The following TPD52L1 variants were observed in gnomAD, a reference collection of about 807,000 sequenced individuals.
The protein encoded by TPD52L1 is tumor protein D53.
TPD52L1 carries 18 observed loss-of-function variants against 28.7 expected under a neutral mutation model. That is an observed-to-expected ratio of 0.63 (90% CI 0.43 to 0.93). The LOEUF (loss-of-function observed/expected upper bound fraction) is 0.93. Ranked by LOEUF, TPD52L1 falls within the 40% of genes least tolerant of loss-of-function variation. TPD52L1 has a pLI of 0.00. For synonymous variants in TPD52L1, 75 were observed against 88.8 expected, an observed-to-expected ratio of 0.84 and a Z score of 0.88; for missense variants, 203 against 254.8, an observed-to-expected ratio of 0.80 and a Z score of 1.39.
intron 3 of TPD52L1, among the ~76,000 whole-genome samples, chr6:125,241,566 T>G (rs1796612966): frequency 6.6e-6 from 1 of 151,954 alleles, no homozygotes; most frequent in African/African-American, 2.4e-5. Context: ...ATTGATATAT[T>G]TCCAGGAACT....
At chr6:125,216,830 G>A (rs969722934) in intron 1 of TPD52L1, among the ~76,000 whole-genome samples, 2 of 152,006 alleles carry the variant, frequency 1.3e-5, no homozygotes, top group South Asian at 4.2e-4. Flanking sequence ...TACCGTGTTG[G>A]CAGTGACATC....
At chr6:125,172,157 T>TTTCCTTTC (rs1554202455) in intron 1 of TPD52L1, among the ~76,000 whole-genome samples, 22 of 54,042 alleles carry the variant, frequency 4.1e-4, no homozygotes, top group African/African-American at 1.9e-3. Flanking sequence ...TCTTTCTTTC[T>TTTCCTTTC]TTTCTTTCTT....
intron 4 of TPD52L1, chr6:125,251,970 C>T: frequency 6.5e-7 from 1 of 1,533,850 alleles, no homozygotes; most frequent in South Asian, 1.2e-5. Flanking sequence ...TTCTCTGCCT[C>T]CTGTTTGCTA....
In TPD52L1 at chr6:125,207,533, G is replaced by A. The variant is rs144822524; in HGVS notation, c.20-12545G>A. Among the ~76,000 whole-genome samples the A allele has an allele frequency of 1.3e-3, 200 of 152,294 alleles. 1 individual carries two copies. The highest frequency in any genetic ancestry group is 7.9e-3 in the South Asian group (38 of 4,830). ...TTCAAATTTCTTAATAGTGAAAAAC[G>A]TTGGAAGACAGAGACAGTGTCTCTT... On this transcript the variant is annotated intron_variant, in intron 1 of 6. Transcript: ENST00000534000.
At chr6:125,181,900 A>G (rs1792219490) in intron 1 of TPD52L1, among the ~76,000 whole-genome samples, 1 of 152,190 alleles carries the variant, frequency 6.6e-6, no homozygotes, top group Non-Finnish European at 1.5e-5. Flanking sequence ...TTTCAGGGAT[A>G]TTAGGATAAT....
intron 6 of TPD52L1, among the ~76,000 whole-genome samples, chr6:125,258,534 G>A (rs185801518): frequency 6.6e-6 from 1 of 152,264 alleles, no homozygotes; most frequent in East Asian, 1.9e-4. Flanking sequence ...TCCATTGCTT[G>A]TTAGACAAGT....
At chr6:125,156,463 C>CAAAAA (rs758623258) in intron 1 of TPD52L1, among the ~76,000 whole-genome samples, 1,704 of 36,972 alleles carry the variant, frequency 0.046, 62 homozygotes, top group African/African-American at 0.16. Context: ...GACCTTGTCT[C>CAAAAA]AAAAAAAAAA....
chr6:125,220,854 C>A (rs1012111402), intron 2 of TPD52L1, among the ~76,000 whole-genome samples: 1 of 152,170 alleles, frequency 6.6e-6, no homozygotes, highest in Non-Finnish European at 1.5e-5. Flanking sequence ...GCTGACAAGC[C>A]TTTACTTTCT....
intron 1 of TPD52L1, among the ~76,000 whole-genome samples, chr6:125,182,448 G>A (rs1340959948): frequency 1.3e-5 from 2 of 152,148 alleles, no homozygotes; most frequent in Non-Finnish European, 2.9e-5. Context: ...ACCCTCTCTG[G>A]TAGTCAGGAG....
chr6:125,154,257 G>A, intron 1 of TPD52L1: 1 of 1,233,482 alleles, frequency 8.1e-7, no homozygotes, highest in Non-Finnish European at 1.0e-6. Flanking sequence ...GTCGCCCCTG[G>A]CCTTCCCAAC....
intron 3 of TPD52L1, among the ~76,000 whole-genome samples, chr6:125,230,185 T>A (rs1795866520): frequency 6.6e-6 from 1 of 152,202 alleles, no homozygotes; most frequent in African/African-American, 2.4e-5. Context: ...CAATCACACT[T>A]TTTTTATTAG....
intron 1 of TPD52L1, among the ~76,000 whole-genome samples, chr6:125,183,707 C>A (rs1205528370): frequency 6.6e-6 from 1 of 152,010 alleles, no homozygotes; most frequent in Non-Finnish European, 1.5e-5. Flanking sequence ...AACATAAAAT[C>A]TGTGAAGGTG....
At chr6:125,235,101 C>CAATAATAAT (rs147249181) in intron 3 of TPD52L1, among the ~76,000 whole-genome samples, 11,518 of 142,412 alleles carry the variant, frequency 0.081, 572 homozygotes, top group African/African-American at 0.12. Context: ...CTACAAATAA[C>CAATAATAAT]AATAATAATA....
At chr6:125,154,157 G>C (rs949567168) in intron 1 of TPD52L1, 187 bp downstream of exon 1, 25 of 1,389,878 alleles carry the variant, frequency 1.8e-5, no homozygotes, top group Non-Finnish European at 2.2e-5. Context: ...TGTGGGTCTG[G>C]GGATCAATAA....
At chr6:125,253,156 T>C (rs1797380664) in intron 4 of TPD52L1, 1 of 154,022 alleles carries the variant, frequency 6.5e-6, no homozygotes, top group Non-Finnish European at 1.4e-5. Context: ...GACAGTCATC[T>C]AGTACAAATC....
At chr6:125,193,252 G>C (rs117203708) in intron 1 of TPD52L1, among the ~76,000 whole-genome samples, 3,334 of 152,230 alleles carry the variant, frequency 0.022, 49 homozygotes, top group Non-Finnish European at 0.031. Flanking sequence ...CCCTGGTGGG[G>C]TATAGCAGAA....
intron 2 of TPD52L1, among the ~76,000 whole-genome samples, chr6:125,222,402 C>G (rs1237640452): frequency 6.6e-6 from 1 of 152,174 alleles, no homozygotes; most frequent in Non-Finnish European, 1.5e-5. Flanking sequence ...CCAAAGATAC[C>G]TCAGAGACCA....
In TPD52L1 at chr6:125,191,189, G is replaced by A. The variant is rs571948669; in HGVS notation, c.20-28889G>A. ...TTTTCTTTTCTTGCTGTGGAGTTGCGTTGTTGTTTATTTTGTTCCAGCCAC... is the reference window on the plus strand; with the variant it reads ...TTTTCTTTTCTTGCTGTGGAGTTGCATTGTTGTTTATTTTGTTCCAGCCAC... On this transcript the variant is annotated intron_variant, in intron 1 of 6. Transcript: ENST00000534000. Among the ~76,000 whole-genome samples the A allele has an allele frequency of 3.9e-5, 6 of 152,234 alleles. No homozygotes were observed. In the East Asian group the frequency reaches 1.2e-3, roughly 29 times the overall value.
At chr6:125,183,801 T>G (rs1194087399) in intron 1 of TPD52L1, among the ~76,000 whole-genome samples, 1 of 152,190 alleles carries the variant, frequency 6.6e-6, no homozygotes. Flanking sequence ...TGGTTGACAC[T>G]GAAATGTTGG....
Sources: allele counts gnomAD v4.1 joint callset (sites outside exome capture counted in the v4.1 genomes callset), GRCh38; gene constraint gnomAD v4.1.1; transcripts MANE v1.5; gene names NCBI Gene and HGNC (gene_info 2026-07-23, HGNC 2026-07-21).